Variants in SPRED2 observed in about 807,000 individuals in gnomAD.
SPRED2 encodes the protein sprouty related EVH1 domain containing 2.
SPRED2 carries 47 observed loss-of-function variants against 43.0 expected under a neutral mutation model. That is an observed-to-expected ratio of 1.09 (90% CI 0.87 to 1.40). The LOEUF is 1.40. Ranked by LOEUF, SPRED2 falls within the 40% of genes most tolerant of loss-of-function variation. The pLI, the probability that SPRED2 is intolerant of heterozygous loss-of-function variation, is 0.00. For synonymous variants in SPRED2, 225 were observed against 225.7 expected (o/e 1.00, Z 0.03); for missense variants, 561 against 586.4 (o/e 0.96, Z 0.45).
intron 1 of SPRED2, among the ~76,000 whole-genome samples, chr2:65,359,780 T>C (rs6714589): frequency 0.01 from 1,541 of 151,724 alleles, 30 homozygotes; most frequent in African/African-American, 0.036. Flanking sequence ...ATGCAAAAAA[T>C]TGGGCCAGGT....
chr2:65,398,525 G>GAA (rs60110378), intron 1 of SPRED2, among the ~76,000 whole-genome samples: 6 of 149,122 alleles, frequency 4.0e-5, no homozygotes, highest in African/African-American at 1.5e-4. Context: ...AACTCAGCGA[G>GAA]AAAAAAAAAA....
At chr2:65,333,757 T>G (rs1673883226) in intron 3 of SPRED2, among the ~76,000 whole-genome samples, 1 of 152,230 alleles carries the variant, frequency 6.6e-6, no homozygotes, top group African/African-American at 2.4e-5. Flanking sequence ...TACTACTGAT[T>G]ATAATGTTAA....
intron 1 of SPRED2, among the ~76,000 whole-genome samples, chr2:65,368,512 T>C (rs1274058167): frequency 6.6e-6 from 1 of 152,238 alleles, no homozygotes; most frequent in Non-Finnish European, 1.5e-5. Flanking sequence ...TATAGTATTT[T>C]GGAGAAATAA....
intron 1 of SPRED2, among the ~76,000 whole-genome samples, chr2:65,348,790 T>A (rs1572859586): frequency 9.1e-6 from 1 of 109,764 alleles, no homozygotes; most frequent in African/African-American, 3.3e-5. Flanking sequence ...CAAAACTCCG[T>A]CTAAAAAAAA....
chr2:65,400,867 C>T (rs34826897), intron 1 of SPRED2, among the ~76,000 whole-genome samples: 16,704 of 152,228 alleles, frequency 0.11, 1,373 homozygotes, highest in Non-Finnish European at 0.16. Flanking sequence ...CTCTGCTCTA[C>T]TAAATTCACA....
At chr2:65,395,657 G>A (rs1036941594) in intron 1 of SPRED2, among the ~76,000 whole-genome samples, 1 of 152,176 alleles carries the variant, frequency 6.6e-6, no homozygotes, top group Admixed American at 6.5e-5. Flanking sequence ...GTTTCCTTAT[G>A]GGTAGAAGTG....
chr2:65,390,171 T>C (rs555957432), intron 1 of SPRED2, among the ~76,000 whole-genome samples: 3 of 152,154 alleles, frequency 2.0e-5, no homozygotes, highest in Non-Finnish European at 2.9e-5. Context: ...AGGTGACTGA[T>C]GAGCCAGACC....
At chr2:65,318,904 T>G (rs180718647) in intron 4 of SPRED2, among the ~76,000 whole-genome samples, 1 of 152,272 alleles carries the variant, frequency 6.6e-6, no homozygotes, top group Middle Eastern at 3.4e-3. Context: ...TGCTTTGGCC[T>G]CCCAATATGC....
At chr2:65,321,399 C>T (rs1018454636) in intron 4 of SPRED2, among the ~76,000 whole-genome samples, 3 of 150,416 alleles carry the variant, frequency 2.0e-5, no homozygotes, top group Admixed American at 6.7e-5. Context: ...CAGCTGGGTG[C>T]AGCTGCTCAT....
Position 65,311,623 on chromosome 2 carries a change from G to A in SPRED2, c.*1878C>T. 3 of 985,818 alleles carry A rather than the reference G, an allele frequency of 3.0e-6. No individual in the cohort carries two copies. Among genetic ancestry groups the A allele is most frequent in the Non-Finnish European group, 3.6e-6 (3 of 829,924 alleles). The allele number at this position is 985,818 out of a possible 1,614,324, so 61.1% of individuals were successfully genotyped here. On this transcript the variant is annotated 3_prime_UTR_variant, in exon 6 of 6. Coordinates refer to ENST00000356388, the MANE Select transcript of SPRED2 (RefSeq NM_181784.3). ...GAGGCTGGCTGAAGGTTTTCTAGAT[G>A]TTCTCCAGGCATGGATGAGGTTCTC...
intron 5 of SPRED2, among the ~76,000 whole-genome samples, chr2:65,316,040 A>G (rs928652504): frequency 2.0e-5 from 3 of 152,246 alleles, no homozygotes; most frequent in South Asian, 4.1e-4. Context: ...AAAAGAGTCA[A>G]ATAAATCTAG....
intron 1 of SPRED2, among the ~76,000 whole-genome samples, chr2:65,351,919 C>T (rs1674523272): frequency 6.6e-6 from 1 of 152,120 alleles, no homozygotes; most frequent in African/African-American, 2.4e-5. Context: ...TTTATATATT[C>T]TGAACTTTAT....
intron 1 of SPRED2, among the ~76,000 whole-genome samples, chr2:65,412,484 A>G (rs1231003753): frequency 1.3e-5 from 2 of 152,212 alleles, no homozygotes; most frequent in African/African-American, 2.4e-5. Flanking sequence ...CCTTGTTGCT[A>G]AAAGTCACCT....
chr2:65,311,733 C>T lies in SPRED2; in HGVS notation c.*1768G>A, dbSNP rs960831516. On this transcript the variant is annotated 3_prime_UTR_variant, in exon 6 of 6. Coordinates refer to ENST00000356388, the MANE Select transcript of SPRED2 (RefSeq NM_181784.3). ...AACCAGTTACTCCAATGAATGAAGA[C>T]GTCTACTAACTGACTCATAAGCACA... 6 of 985,312 alleles carry T rather than the reference C, an allele frequency of 6.1e-6. No individual in the cohort carries two copies. The highest frequency in any genetic ancestry group is 6.1e-5 in the Admixed American group (1 of 16,262). The allele number at this position is 985,312 out of a possible 1,614,324, so 61.0% of individuals were successfully genotyped here. A position where few individuals can be genotyped will look rare whatever the true frequency, so the allele number is the denominator to read the frequency against.
chr2:65,402,513 A>G (rs1305524146), intron 1 of SPRED2, among the ~76,000 whole-genome samples: 1 of 152,152 alleles, frequency 6.6e-6, no homozygotes, highest in African/African-American at 2.4e-5. Context: ...GGCTGGAGAA[A>G]TCAATCTGAG....
intron 4 of SPRED2, among the ~76,000 whole-genome samples, chr2:65,324,192 A>T (rs370405358): frequency 1.3e-5 from 2 of 152,220 alleles, no homozygotes; most frequent in South Asian, 2.1e-4. Flanking sequence ...CAGTTGCCAG[A>T]TTCTATAGAC....
chr2:65,338,183 CTCTCCCTCTCCCG>C (rs1194379717), intron 2 of SPRED2, among the ~76,000 whole-genome samples: 7 of 76,426 alleles, frequency 9.2e-5, no homozygotes, highest in Admixed American at 2.1e-4. Flanking sequence ...TCCCGTCTCC[CTCTCCCTCTCCCG>C]TCTCCCTCTC....
chr2:65,410,953 T>C (rs1241207017), intron 1 of SPRED2, among the ~76,000 whole-genome samples: 1 of 151,996 alleles, frequency 6.6e-6, no homozygotes, highest in East Asian at 1.9e-4. Flanking sequence ...GGGACAGGGG[T>C]CATGGTCTGC....
chr2:65,408,618 C>T (rs1676082675), intron 1 of SPRED2, among the ~76,000 whole-genome samples: 1 of 150,618 alleles, frequency 6.6e-6, no homozygotes, highest in African/African-American at 2.4e-5. Context: ...GAGACGGAGT[C>T]TCACTCTGTC....
Sources: gnomAD v4.1 joint callset for allele counts (sites outside exome capture counted in the v4.1 genomes callset) on GRCh38, gnomAD v4.1.1 for gene constraint, MANE v1.5 for transcripts, NCBI Gene and HGNC (gene_info 2026-07-23, HGNC 2026-07-21) for gene names.